KAZN: variants seen among roughly 807,000 people sequenced by gnomAD.
KAZN encodes kazrin, periplakin interacting protein.
Under a neutral mutation model 87.4 loss-of-function variants are expected in KAZN, and 40 were observed. The observed-to-expected ratio is 0.46, with a 90% CI of 0.36 to 0.60. KAZN has a LOEUF of 0.60. Ranked by LOEUF, KAZN falls within the 20% of genes least tolerant of loss-of-function variation. The pLI, the probability that KAZN is intolerant of heterozygous loss-of-function variation, is 0.00. For synonymous variants in KAZN, 466 were observed against 458.3 expected, an observed-to-expected ratio of 1.02 and a Z score of -0.22; for missense variants, 898 against 1,073.9, an observed-to-expected ratio of 0.84 and a Z score of 2.29.
intron 2 of KAZN, among the ~76,000 whole-genome samples, chr1:14,352,987 A>T (rs1658674275): frequency 6.6e-6 from 1 of 152,212 alleles, no homozygotes; most frequent in South Asian, 2.1e-4. Flanking sequence ...ATGATTTTTT[A>T]AATCCACATA....
At chr1:14,968,848 G>A (rs1384721544) in intron 2 of KAZN, among the ~76,000 whole-genome samples, 3 of 152,190 alleles carry the variant, frequency 2.0e-5, no homozygotes, top group Non-Finnish European at 2.9e-5. Context: ...AGCTTGTGCC[G>A]ATGCCTGTGG....
At chr1:14,602,175 T>C (rs1159760865) in intron 1 of KAZN, among the ~76,000 whole-genome samples, 1 of 152,188 alleles carries the variant, frequency 6.6e-6, no homozygotes, top group Non-Finnish European at 1.5e-5. Context: ...AACAAAATAT[T>C]AACTTGGTTG....
chr1:14,035,576 C>T (rs764251253), intron 1 of KAZN, among the ~76,000 whole-genome samples: 5 of 150,664 alleles, frequency 3.3e-5, no homozygotes, highest in Non-Finnish European at 5.9e-5. Context: ...CCTCCCAGAT[C>T]CTCCCACCTC....
At chr1:14,485,391 A>T (rs1483965647) in intron 2 of KAZN, among the ~76,000 whole-genome samples, 1 of 152,220 alleles carries the variant, frequency 6.6e-6, no homozygotes, top group Non-Finnish European at 1.5e-5. Flanking sequence ...GGTGGGGCTC[A>T]GACCTGGACC....
At chr1:13,986,229 T>C (rs1450015479) in intron 1 of KAZN, among the ~76,000 whole-genome samples, 1 of 152,218 alleles carries the variant, frequency 6.6e-6, no homozygotes, top group African/African-American at 2.4e-5. Context: ...CATAAGATGA[T>C]AAAACTGTAA....
chr1:15,071,792 G>T (rs766179149), intron 8 of KAZN, among the ~76,000 whole-genome samples: 2 of 152,178 alleles, frequency 1.3e-5, no homozygotes, highest in Non-Finnish European at 2.9e-5. Flanking sequence ...TTGTGACGTT[G>T]CCAGGCTGTG....
At chr1:14,661,076 CT>C (rs1639140989) in intron 1 of KAZN, among the ~76,000 whole-genome samples, 1 of 152,078 alleles carries the variant, frequency 6.6e-6, no homozygotes, top group Non-Finnish European at 1.5e-5. Context: ...TGTATTAGGC[CT>C]TTTACTTACT....
intron 2 of KAZN, among the ~76,000 whole-genome samples, chr1:14,552,569 C>G (rs1429785375): frequency 2.6e-5 from 4 of 152,166 alleles, no homozygotes; most frequent in Non-Finnish European, 5.9e-5. Flanking sequence ...TCTTGGGGAG[C>G]TTGTGCTATG....
chr1:14,156,480 T>C (rs1645595645), intron 1 of KAZN, among the ~76,000 whole-genome samples: 1 of 152,220 alleles, frequency 6.6e-6, no homozygotes, highest in South Asian at 2.1e-4. Flanking sequence ...TCTCTCTCTT[T>C]AGCTCTCATA....
Position 14,599,662 on chromosome 1 carries a change from T to A in KAZN, c.226+439T>A, listed in dbSNP as rs1332195682. Among the ~76,000 whole-genome samples the A allele has an allele frequency of 6.6e-6, 1 of 152,178 alleles. No individual in the cohort carries two copies. The highest frequency in any genetic ancestry group is 1.5e-5 in the Non-Finnish European group (1 of 68,016). On this transcript the variant is annotated intron_variant, in intron 1 of 14. Coordinates refer to ENST00000376030, the MANE Select transcript of KAZN (RefSeq NM_201628.3). The surrounding 1 kb of genome is among the most constrained non-coding windows in gnomAD (Gnocchi z 4.4). Reference sequence around the variant, plus strand: ...CCGGGCTCTGCCGCCGTGGTTGGGATAGAGGATTGCACTGCTGTGCACTTT... The same window carrying A: ...CCGGGCTCTGCCGCCGTGGTTGGGAAAGAGGATTGCACTGCTGTGCACTTT...
At chr1:14,006,381 G>A (rs1180381058) in intron 1 of KAZN, among the ~76,000 whole-genome samples, 2 of 152,182 alleles carry the variant, frequency 1.3e-5, no homozygotes, top group Admixed American at 1.3e-4. Flanking sequence ...GGAAGGGGGA[G>A]CTGGCATGTC....
At chr1:14,238,758 T>C (rs1033086882) in intron 2 of KAZN, among the ~76,000 whole-genome samples, 8 of 152,222 alleles carry the variant, frequency 5.3e-5, no homozygotes, top group Admixed American at 3.3e-4. Flanking sequence ...ATGGAGGACC[T>C]GGACTTTTCC....
At chr1:13,956,917 T>A (rs1641571733) in intron 1 of KAZN, among the ~76,000 whole-genome samples, 1 of 152,168 alleles carries the variant, frequency 6.6e-6, no homozygotes, top group African/African-American at 2.4e-5. Flanking sequence ...AGCTATGGCA[T>A]CCCAGGTCAG....
At chr1:14,753,786 A>G (rs1644478676) in intron 1 of KAZN, among the ~76,000 whole-genome samples, 2 of 152,294 alleles carry the variant, frequency 1.3e-5, no homozygotes, top group Non-Finnish European at 1.5e-5. Flanking sequence ...GGAACACACT[A>G]GAATGCATAT....
intron 1 of KAZN, among the ~76,000 whole-genome samples, chr1:14,889,852 C>T (rs1319419640): frequency 6.6e-6 from 1 of 152,192 alleles, no homozygotes; most frequent in Non-Finnish European, 1.5e-5. Flanking sequence ...GGACAGAGAC[C>T]ATTGAAAATA....
chr1:14,017,452 A>G (rs990098320), intron 1 of KAZN, among the ~76,000 whole-genome samples: 1 of 152,246 alleles, frequency 6.6e-6, no homozygotes, highest in Non-Finnish European at 1.5e-5. Context: ...GCTATATTCC[A>G]GACACGTGCA....
At chr1:14,198,556 C>G (rs1037325223) in intron 2 of KAZN, among the ~76,000 whole-genome samples, 4 of 152,006 alleles carry the variant, frequency 2.6e-5, no homozygotes, top group Non-Finnish European at 5.9e-5. Flanking sequence ...GCTGAGATTG[C>G]GCCATTGCAC....
intron 2 of KAZN, among the ~76,000 whole-genome samples, chr1:14,292,083 T>C (rs936897206): frequency 6.6e-6 from 1 of 152,196 alleles, no homozygotes; most frequent in Non-Finnish European, 1.5e-5. Flanking sequence ...AAGTCACACT[T>C]TCCGAGAACC....
At chr1:14,008,368 G>A (rs1640129528) in intron 1 of KAZN, among the ~76,000 whole-genome samples, 1 of 152,126 alleles carries the variant, frequency 6.6e-6, no homozygotes, top group Non-Finnish European at 1.5e-5. Context: ...GGAGACTAGG[G>A]TGGCAAATCA....
Sources: allele counts gnomAD v4.1 joint callset (sites outside exome capture counted in the v4.1 genomes callset), GRCh38; gene constraint gnomAD v4.1.1; non-coding constraint Gnocchi (gnomAD v3.1); transcripts MANE v1.5; gene names NCBI Gene and HGNC (gene_info 2026-07-23, HGNC 2026-07-21).